Variants in ADARB2 observed in about 807,000 individuals in gnomAD.
ADARB2 encodes inactive double-stranded RNA-specific editase B2.
ADARB2 carries 25 observed loss-of-function variants against 62.2 expected under a neutral mutation model. That is an observed-to-expected ratio of 0.40 (90% CI 0.29 to 0.56). The LOEUF is 0.56. Ranked by LOEUF, ADARB2 falls within the 20% of genes least tolerant of loss-of-function variation. ADARB2 has a pLI of 0.43. For missense variants in ADARB2, 1,071 were observed against 1,077.4 expected (o/e 0.99, Z 0.08); for synonymous variants, 572 against 500.8 (o/e 1.14, Z -1.90).
chr10:1,735,750 A>G (rs1835291994), intron 1 of ADARB2, among the ~76,000 whole-genome samples: 1 of 152,252 alleles, frequency 6.6e-6, no homozygotes, highest in South Asian at 2.1e-4. Flanking sequence ...CAAAGGCTCC[A>G]AAACCTTTTG....
chr10:1,591,544 T>G (rs2132007968), intron 1 of ADARB2, among the ~76,000 whole-genome samples: 1 of 152,284 alleles, frequency 6.6e-6, no homozygotes, highest in Admixed American at 6.5e-5. Context: ...GACTGCTCCC[T>G]GTCTTCAGTG....
In ADARB2 at chr10:1,631,376, C is replaced by T. The variant is rs191376180; in HGVS notation, c.100+105675G>A. On this transcript the variant is annotated intron_variant, in intron 1 of 9. Transcript: ENST00000381312. ...AGCGGGGACCTGACAAAGGCTGCCT[C>T]GGGTTCCACTGTGAGGTCCCGTTCC... Among the ~76,000 whole-genome samples, 7 of 152,224 alleles carry T rather than the reference C, an allele frequency of 4.6e-5. No individual in the cohort carries two copies. The East Asian group carries it at 5.8e-4, about 13-fold the overall frequency.
At chr10:1,688,783 G>A (rs1051528150) in intron 1 of ADARB2, among the ~76,000 whole-genome samples, 3 of 152,334 alleles carry the variant, frequency 2.0e-5, no homozygotes, top group Non-Finnish European at 4.4e-5. Flanking sequence ...CCCTGACCCT[G>A]TCTCATCACT....
intron 1 of ADARB2, among the ~76,000 whole-genome samples, chr10:1,616,918 C>T (rs1346631630): frequency 1.3e-5 from 2 of 150,678 alleles, no homozygotes; most frequent in African/African-American, 4.9e-5. Context: ...TGTTTGTGTG[C>T]CCGTCCAGAC....
intron 1 of ADARB2, among the ~76,000 whole-genome samples, chr10:1,639,857 A>G (rs963293079): frequency 3.4e-4 from 47 of 137,366 alleles, no homozygotes; most frequent in African/African-American, 1.2e-3. Flanking sequence ...ACAAAACAAA[A>G]CAAAGCAAAA....
intron 1 of ADARB2, among the ~76,000 whole-genome samples, chr10:1,403,513 G>A (rs1194457310): frequency 6.6e-6 from 1 of 152,156 alleles, no homozygotes; most frequent in African/African-American, 2.4e-5. Context: ...ATTTATTCCT[G>A]CCTTATTCAT....
At chr10:1,666,681 T>A (rs1222779284) in intron 1 of ADARB2, among the ~76,000 whole-genome samples, 2 of 150,940 alleles carry the variant, frequency 1.3e-5, no homozygotes, top group Non-Finnish European at 2.9e-5. Context: ...TTTAGCTTCA[T>A]TTTTTTTGAG....
intron 3 of ADARB2, chr10:1,290,905 T>G (rs1831460225): frequency 6.6e-6 from 1 of 152,236 alleles, no homozygotes; most frequent in African/African-American, 2.4e-5. Flanking sequence ...TCTGGTCTAC[T>G]CAGGAAGATA....
intron 1 of ADARB2, among the ~76,000 whole-genome samples, chr10:1,556,414 C>G (rs192709918): frequency 1.3e-5 from 2 of 152,008 alleles, no homozygotes; most frequent in South Asian, 2.1e-4. Flanking sequence ...TACCCTGTGC[C>G]GATTCCAGAG....
chr10:1,560,794 C>T (rs1052731720), intron 1 of ADARB2, among the ~76,000 whole-genome samples: 1 of 152,216 alleles, frequency 6.6e-6, no homozygotes, highest in Non-Finnish European at 1.5e-5. Flanking sequence ...CTACACCGAG[C>T]CCCAGACTGG....
chr10:1,499,500 A>G (rs1203001160), intron 1 of ADARB2, among the ~76,000 whole-genome samples: 2 of 151,140 alleles, frequency 1.3e-5, no homozygotes, highest in East Asian at 2.0e-4. Context: ...TCACTCACCT[A>G]TCACTCACTC....
intron 7 of ADARB2, among the ~76,000 whole-genome samples, chr10:1,202,338 C>A (rs1368366733): frequency 2.6e-5 from 4 of 151,474 alleles, no homozygotes; most frequent in Non-Finnish European, 4.4e-5. Flanking sequence ...CTCACCGCAG[C>A]CTAATTATTT....
chr10:1,601,650 C>T (rs541847548), intron 1 of ADARB2, among the ~76,000 whole-genome samples: 9 of 152,264 alleles, frequency 5.9e-5, no homozygotes, highest in Admixed American at 5.2e-4. Flanking sequence ...AAAAGAACCA[C>T]AAAGCTGATC....
chr10:1,608,149 G>C (rs1052662934), intron 1 of ADARB2, among the ~76,000 whole-genome samples: 4 of 152,218 alleles, frequency 2.6e-5, no homozygotes, highest in Admixed American at 2.6e-4. Flanking sequence ...AAAGTGATTT[G>C]ACATAGTATA....
At chr10:1,601,942 T>G (rs1300964233) in intron 1 of ADARB2, among the ~76,000 whole-genome samples, 1 of 152,178 alleles carries the variant, frequency 6.6e-6, no homozygotes, top group Admixed American at 6.5e-5. Context: ...CTCAGCAGAA[T>G]TCATGGACGT....
chr10:1,733,659 TA>T (rs1835262008), intron 1 of ADARB2, among the ~76,000 whole-genome samples: 1 of 152,234 alleles, frequency 6.6e-6, no homozygotes, highest in African/African-American at 2.4e-5. Context: ...TTTTCTTTAT[TA>T]TTTTTTGGTT....
intron 1 of ADARB2, among the ~76,000 whole-genome samples, chr10:1,572,056 G>T (rs111902655): frequency 0.4 from 51,164 of 127,520 alleles, 10,344 homozygotes; most frequent in African/African-American, 0.59. Context: ...AGTGGACAGG[G>T]GAGTGTGCAG....
chr10:1,310,181 T>C lies in ADARB2; in HGVS notation c.1078-39112A>G, dbSNP rs186733955. Among the ~76,000 whole-genome samples the C allele has an allele frequency of 2.6e-3, 394 of 152,362 alleles. 4 individuals are homozygous for C. Among genetic ancestry groups the C allele is most frequent in the African/African-American group, 8.4e-3 (351 of 41,588 alleles). ...TTGGACCGAGCACTGTGCCAGGTGC[T>C]GCTGTCACACTGAGTGAGCAGTCTG... is the stretch of plus-strand genomic sequence containing the variant. On this transcript the variant is annotated intron_variant, in intron 3 of 9. Transcript: ENST00000381312.
intron 4 of ADARB2, among the ~76,000 whole-genome samples, chr10:1,262,871 G>T (rs1831155599): frequency 6.6e-6 from 1 of 152,050 alleles, no homozygotes; most frequent in African/African-American, 2.4e-5. Context: ...GCAAAGACTT[G>T]GAACCAAGCC....
Sources: gnomAD v4.1 joint callset for allele counts (sites outside exome capture counted in the v4.1 genomes callset) on GRCh38, gnomAD v4.1.1 for gene constraint, MANE v1.5 for transcripts, NCBI Gene and HGNC (gene_info 2026-07-23, HGNC 2026-07-21) for gene names.